The following UNC13B variants were observed in gnomAD, a reference collection of about 807,000 sequenced individuals.
UNC13B encodes protein unc-13 homolog B.
UNC13B carries 144 observed loss-of-function variants against 211.0 expected under a neutral mutation model. The ratio of observed to expected loss-of-function variants is 0.68; its 90% confidence interval spans 0.60 to 0.78. UNC13B has a LOEUF of 0.78. Ranked by LOEUF, UNC13B falls within the 30% of genes least tolerant of loss-of-function variation. The pLI is 0.00. For missense variants in UNC13B, 1,777 were observed against 2,002.0 expected, an observed-to-expected ratio of 0.89 and a Z score of 2.14; for synonymous variants, 709 against 725.8, an observed-to-expected ratio of 0.98 and a Z score of 0.37.
intron 17 of UNC13B, among the ~76,000 whole-genome samples, chr9:35,379,640 A>C (rs1416908403): frequency 1.3e-5 from 2 of 152,198 alleles, no homozygotes; most frequent in Non-Finnish European, 1.5e-5. Context: ...ACAGTTTATT[A>C]AGCTCATATT....
chr9:35,340,123 T>C (rs988459673), intron 11 of UNC13B, among the ~76,000 whole-genome samples: 3 of 152,260 alleles, frequency 2.0e-5, no homozygotes, highest in African/African-American at 7.2e-5. Flanking sequence ...AAATTGGCTG[T>C]GACTTCCACA....
intron 1 of UNC13B, among the ~76,000 whole-genome samples, chr9:35,199,447 A>C (rs1411522506): frequency 6.6e-6 from 1 of 152,144 alleles, no homozygotes; most frequent in Non-Finnish European, 1.5e-5. Flanking sequence ...GAACTAGTTT[A>C]CAGTCCCACC....
intron 8 of UNC13B, among the ~76,000 whole-genome samples, chr9:35,297,810 A>G (rs2131811174): frequency 6.7e-6 from 1 of 150,226 alleles, no homozygotes; most frequent in African/African-American, 2.4e-5. Context: ...CGGCCTCCCA[A>G]AGTGCTGGGA....
chr9:35,178,440 T>G (rs1404128712), intron 1 of UNC13B, among the ~76,000 whole-genome samples: 1 of 151,596 alleles, frequency 6.6e-6, no homozygotes, highest in Non-Finnish European at 1.5e-5. Context: ...GAGGTTGCAG[T>G]GAGCTGAGAT....
chr9:35,286,720 T>C (rs1288631156), intron 7 of UNC13B, among the ~76,000 whole-genome samples: 1 of 152,108 alleles, frequency 6.6e-6, no homozygotes, highest in African/African-American at 2.4e-5. Flanking sequence ...ATACTACTTA[T>C]AATAGATTGT....
intron 11 of UNC13B, chr9:35,353,443 T>C: frequency 1.6e-6 from 2 of 1,232,258 alleles, no homozygotes; most frequent in Non-Finnish European, 2.0e-6. Flanking sequence ...GTGCCCAGGA[T>C]TGCTCACTGG....
Position 35,396,799 on chromosome 9 carries a change from C to A in UNC13B, c.11436-42C>A. 1.9e-6 allele frequency: 3 copies of A among 1,612,156 alleles called. No homozygotes were observed. In the South Asian group the frequency reaches 3.3e-5, roughly 18 times the overall value. ...GAGCTGTCAGGAAGTGGCGTATTCC[C>A]ACCGCTAGTTCTAAGCCCCTGTTCT... On this transcript the variant is annotated intron_variant, in intron 27 of 39. Transcript: ENST00000635942.
intron 1 of UNC13B, among the ~76,000 whole-genome samples, chr9:35,166,482 C>G (rs1821044300): frequency 6.6e-6 from 1 of 151,932 alleles, no homozygotes. Context: ...CTACCACCTG[C>G]CAATACCATT....
chr9:35,174,156 G>GAGAC (rs2131271072), intron 1 of UNC13B, among the ~76,000 whole-genome samples: 1 of 150,836 alleles, frequency 6.6e-6, no homozygotes, highest in South Asian at 2.1e-4. Context: ...CTCTTTTTTT[G>GAGAC]AGACAGAATC....
Position 35,274,380 on chromosome 9 carries a change from T to C in UNC13B, c.526+15330T>C, listed in dbSNP as rs1250563947. ...GAGCCACCACACCCAGTCAAGAATTTGCATGTCTTACAGATTCAAGAGCAT... is the reference window on the plus strand; with the variant it reads ...GAGCCACCACACCCAGTCAAGAATTCGCATGTCTTACAGATTCAAGAGCAT... On this transcript the variant is annotated intron_variant, in intron 7 of 39. Transcript: ENST00000635942. Among the ~76,000 whole-genome samples, 3 of 152,280 alleles carry C rather than the reference T, an allele frequency of 2.0e-5. No homozygotes were observed. In the East Asian group the frequency reaches 5.8e-4, roughly 29 times the overall value.
In UNC13B at chr9:35,295,798, A is replaced by G. The variant is rs1380131690; in HGVS notation, c.629A>G (p.Asn210Ser). The G allele has an allele frequency of 6.2e-7, 1 of 1,614,086 alleles. No homozygotes were observed. The highest frequency in any genetic ancestry group is 1.7e-5 in the Admixed American group (1 of 60,000). The stretch of plus-strand genomic sequence containing the variant: ...CCTTACCATACAGCTTCCCAGCCCA[A>G]CGCTTCTGTGCACCAGTTCCCTGTG... ...PPPYHTASQP[N>S]ASVHQFPVPV... The change falls in exon 8 of 40, where the codon AAC (asparagine) becomes AGC (serine). Residue 210 changes from asparagine (N) to serine (S), a missense_variant. Transcript: ENST00000635942.
chr9:35,319,804 A>G (rs1326194588), intron 11 of UNC13B, among the ~76,000 whole-genome samples: 1 of 151,946 alleles, frequency 6.6e-6, no homozygotes, highest in East Asian at 1.9e-4. Flanking sequence ...GACCACAGGC[A>G]TGTGCCACTT....
intron 1 of UNC13B, among the ~76,000 whole-genome samples, chr9:35,219,705 A>C (rs931103284): frequency 2.0e-4 from 30 of 151,952 alleles, no homozygotes; most frequent in African/African-American, 7.2e-4. Context: ...TTGCATACCC[A>C]TGTAGTTGCC....
intron 24 of UNC13B, among the ~76,000 whole-genome samples, chr9:35,388,134 G>A (rs1048031867): frequency 5.3e-5 from 8 of 152,128 alleles, no homozygotes; most frequent in African/African-American, 1.4e-4. Flanking sequence ...CAGGCCGGGC[G>A]CAATGGCTCA....
At chr9:35,343,001 G>A (rs1832107423) in intron 11 of UNC13B, among the ~76,000 whole-genome samples, 1 of 152,208 alleles carries the variant, frequency 6.6e-6, no homozygotes, top group Non-Finnish European at 1.5e-5. Flanking sequence ...AAACAGAAAA[G>A]TCATCTTGAG....
intron 1 of UNC13B, among the ~76,000 whole-genome samples, chr9:35,164,656 A>G (rs1467212731): frequency 1.3e-5 from 2 of 152,214 alleles, no homozygotes; most frequent in African/African-American, 2.4e-5. Flanking sequence ...CCTTATGCAG[A>G]CTTTGCTCTA....
Position 35,403,615 on chromosome 9 carries a change from G to A in UNC13B, c.12737+16G>A. 1.5e-6 allele frequency: 2 copies of A among 1,352,674 alleles called. No homozygotes were observed. Among genetic ancestry groups the A allele is most frequent in the Non-Finnish European group, 2.0e-6 (2 of 1,020,712 alleles). The allele number at this position is 1,352,674 out of a possible 1,614,324, so 83.8% of individuals were successfully genotyped here. ...CATTCCACTTGTAAGTTACGGGGGG[G>A]ACATACAGGACTCTGGGATGGGGGT... On this transcript the variant is annotated intron_variant, in intron 39 of 39. Transcript: ENST00000635942.
At chr9:35,248,170 A>G (rs1317774290) in intron 6 of UNC13B, among the ~76,000 whole-genome samples, 1 of 152,092 alleles carries the variant, frequency 6.6e-6, no homozygotes, top group African/African-American at 2.4e-5. Context: ...CTCTGATGGT[A>G]GTTTGTATTT....
At chr9:35,183,997 C>T (rs371339066) in intron 1 of UNC13B, among the ~76,000 whole-genome samples, 4 of 148,516 alleles carry the variant, frequency 2.7e-5, no homozygotes, top group Non-Finnish European at 4.5e-5. Flanking sequence ...ACCTCCCAGA[C>T]GGGGCAGCCA....
Sources: allele counts gnomAD v4.1 joint callset (sites outside exome capture counted in the v4.1 genomes callset), GRCh38; gene constraint gnomAD v4.1.1; transcripts MANE v1.5; gene names NCBI Gene and HGNC (gene_info 2026-07-23, HGNC 2026-07-21).